The following KCNJ6 variants were observed in gnomAD, a reference collection of about 807,000 sequenced individuals.
KCNJ6 encodes the protein potassium inwardly rectifying channel subfamily J member 6.
KCNJ6 carries 9 observed loss-of-function variants against 34.2 expected under a neutral mutation model. That is an observed-to-expected ratio of 0.26 (90% CI 0.16 to 0.46). The LOEUF is 0.46. Among genes scored for constraint, KCNJ6 ranks in the 20% least tolerant of loss-of-function variants. The pLI is 1.00. For missense variants in KCNJ6, 236 were observed against 531.3 expected (o/e 0.44, Z 5.46); for synonymous variants, 196 against 207.1 (o/e 0.95, Z 0.46).
chr21:37,712,439 TCCCTCCTCCCCAGCCTC>T (rs1381296121), intron 3 of KCNJ6, among the ~76,000 whole-genome samples: 4 of 148,350 alleles, frequency 2.7e-5, no homozygotes, highest in Middle Eastern at 3.5e-3. Flanking sequence ...TTCTCTTTCC[TCCCTCCTCCCCAGCCTC>T]CCCTCCTCCT....
chr21:37,756,498 C>A (rs1016932337), intron 2 of KCNJ6, among the ~76,000 whole-genome samples: 2 of 152,218 alleles, frequency 1.3e-5, no homozygotes, highest in Non-Finnish European at 2.9e-5. Context: ...CATCTCCCCG[C>A]TATGCTGGTC....
rs1031280057 is a variant in KCNJ6 at position 37,623,927 on chromosome 21, C to T, written c.*1232G>A. 7 of 152,210 alleles carry T rather than the reference C, an allele frequency of 4.6e-5. No individual in the cohort carries two copies. Among genetic ancestry groups the T allele is most frequent in the African/African-American group, 1.7e-4 (7 of 41,458 alleles). 9.4% of individuals were successfully genotyped at this position (152,210 alleles called of 1,614,324 possible). On this transcript the variant is annotated 3_prime_UTR_variant, in exon 4 of 4. Transcript: ENST00000609713. ...AAGTGAGAGGTCGATGATTATAATG[C>T]ATGCCACTCACTACATGCCTTTGTG...
At chr21:37,671,692 A>G (rs2123408472) in intron 3 of KCNJ6, among the ~76,000 whole-genome samples, 1 of 152,358 alleles carries the variant, frequency 6.6e-6, no homozygotes, top group Non-Finnish European at 1.5e-5. Flanking sequence ...CACTGCCTGC[A>G]GGTAGACAGT....
At chr21:37,861,757 T>C (rs7282964) in intron 1 of KCNJ6, among the ~76,000 whole-genome samples, 71,646 of 151,986 alleles carry the variant, frequency 0.47, 17,606 homozygotes, top group East Asian at 0.61. Context: ...ACTTGAGGAA[T>C]GTCCTTGAGA....
At chr21:37,697,356 C>T (rs895966483) in intron 3 of KCNJ6, among the ~76,000 whole-genome samples, 1 of 152,006 alleles carries the variant, frequency 6.6e-6, no homozygotes, top group Non-Finnish European at 1.5e-5. Context: ...TGAAGAATTT[C>T]GATTGGCTGG....
intron 3 of KCNJ6, among the ~76,000 whole-genome samples, chr21:37,713,267 A>C (rs542361286): frequency 6.6e-6 from 1 of 152,204 alleles, no homozygotes; most frequent in African/African-American, 2.4e-5. Flanking sequence ...CAAGCTGAAG[A>C]CTTAAAAGCG....
intron 3 of KCNJ6, among the ~76,000 whole-genome samples, chr21:37,632,174 T>G (rs1275813274): frequency 1.3e-5 from 2 of 151,808 alleles, no homozygotes; most frequent in African/African-American, 2.4e-5. Context: ...ATTTCCAGAT[T>G]CTGTGTATGA....
At chr21:37,858,454 G>C (rs1476641038) in intron 1 of KCNJ6, among the ~76,000 whole-genome samples, 1 of 141,990 alleles carries the variant, frequency 7.0e-6, no homozygotes, top group Non-Finnish European at 1.5e-5. Context: ...AATATTGATA[G>C]AGCATGCTAG....
intron 1 of KCNJ6, among the ~76,000 whole-genome samples, chr21:37,860,877 T>C (rs1192529093): frequency 8.7e-6 from 1 of 114,522 alleles, no homozygotes; most frequent in Non-Finnish European, 1.8e-5. Flanking sequence ...CTTCATTGTG[T>C]ATGTGGGTAG....
rs150498235 is a variant in KCNJ6, at chr21:37,682,616, C to A, written c.946+31595G>T. ...GGCCACCAGGATAATCCAGGATGAT[C>A]TCATCTTGAGACCCCTAACCTAATT... On this transcript the variant is annotated intron_variant, in intron 3 of 3. Coordinates refer to ENST00000609713, the MANE Select transcript of KCNJ6 (RefSeq NM_002240.5). Among the ~76,000 whole-genome samples the A allele has an allele frequency of 2.5e-3, 382 of 152,214 alleles. 2 individuals are homozygous for A. Among genetic ancestry groups the A allele is most frequent in the African/African-American group, 8.7e-3 (361 of 41,532 alleles).
Position 37,914,811 on chromosome 21 carries a change from C to T in KCNJ6, c.-28+1073G>A, listed in dbSNP as rs188979360. 2.4e-3 allele frequency among the ~76,000 whole-genome samples: 370 copies of T among 152,250 alleles called. 1 individual carries two copies. Among genetic ancestry groups the T allele is most frequent in the African/African-American group, 8.4e-3 (350 of 41,560 alleles). ...GGCTAGCAGGATGTGGCATTGCTCC[C>T]TGTACCGTAGGGCTCCCCGGGACCG... On this transcript the variant is annotated intron_variant, in intron 1 of 3. Coordinates refer to ENST00000609713, the MANE Select transcript of KCNJ6 (RefSeq NM_002240.5).
At chr21:37,787,944 C>T (rs1347123077) in intron 2 of KCNJ6, among the ~76,000 whole-genome samples, 7 of 152,146 alleles carry the variant, frequency 4.6e-5, no homozygotes, top group Admixed American at 4.6e-4. Context: ...ATCCCTGCAC[C>T]ATTACCATCT....
chr21:37,629,744 T>G (rs1327124970), intron 3 of KCNJ6, among the ~76,000 whole-genome samples: 1 of 152,216 alleles, frequency 6.6e-6, no homozygotes, highest in Non-Finnish European at 1.5e-5. Context: ...TACTTTGTTA[T>G]GGCAGCAAAC....
At chr21:37,815,853 T>C (rs2055344227) in intron 2 of KCNJ6, among the ~76,000 whole-genome samples, 1 of 152,134 alleles carries the variant, frequency 6.6e-6, no homozygotes, top group South Asian at 2.1e-4. Context: ...ACCCAGGACA[T>C]TTCAGGTGTT....
At chr21:37,869,804 A>T (rs755498942) in intron 1 of KCNJ6, among the ~76,000 whole-genome samples, 3 of 152,184 alleles carry the variant, frequency 2.0e-5, no homozygotes, top group Non-Finnish European at 4.4e-5. Flanking sequence ...CTCATCCCCT[A>T]CCACTGGCCT....
chr21:37,625,105 G>T lies in KCNJ6; in HGVS notation c.*54C>A. On this transcript the variant is annotated 3_prime_UTR_variant, in exon 4 of 4. Coordinates refer to ENST00000609713, the MANE Select transcript of KCNJ6 (RefSeq NM_002240.5). ...AGACAGAAAAAGAAAGAGAATGAGAGACAAGGAAAGATTGTGTTGGGGGGA... is the reference window on the plus strand; with the variant it reads ...AGACAGAAAAAGAAAGAGAATGAGATACAAGGAAAGATTGTGTTGGGGGGA... The T allele has an allele frequency of 8.2e-7, 1 of 1,223,460 alleles. No homozygotes were observed. 75.8% of individuals were successfully genotyped at this position (1,223,460 alleles called of 1,614,324 possible).
intron 3 of KCNJ6, among the ~76,000 whole-genome samples, chr21:37,648,165 A>T (rs1431473339): frequency 1.5e-5 from 2 of 134,748 alleles, no homozygotes; most frequent in Admixed American, 1.4e-4. Flanking sequence ...ATTTCTGAGC[A>T]TGCAGGTGTA....
intron 1 of KCNJ6, among the ~76,000 whole-genome samples, chr21:37,867,726 T>C (rs968812864): frequency 6.6e-6 from 1 of 152,082 alleles, no homozygotes; most frequent in African/African-American, 2.4e-5. Context: ...AACCATATGA[T>C]AAAAATAACA....
At chr21:37,887,873 C>T (rs570731549) in intron 1 of KCNJ6, among the ~76,000 whole-genome samples, 3 of 152,218 alleles carry the variant, frequency 2.0e-5, no homozygotes, top group Admixed American at 6.5e-5. Flanking sequence ...AGGAAAGTCA[C>T]GGGAGCTGGG....
Sources: gnomAD v4.1 joint callset for allele counts (sites outside exome capture counted in the v4.1 genomes callset) on GRCh38, gnomAD v4.1.1 for gene constraint, MANE v1.5 for transcripts, NCBI Gene and HGNC (gene_info 2026-07-23, HGNC 2026-07-21) for gene names.